IGSF21: variants seen among roughly 807,000 people sequenced by gnomAD.
IGSF21 encodes the protein immunoglobulin superfamily member 21.
IGSF21 carries 28 observed loss-of-function variants against 46.8 expected under a neutral mutation model. That is an observed-to-expected ratio of 0.60 (90% CI 0.44 to 0.82). IGSF21 has a LOEUF of 0.82. Among genes scored for constraint, IGSF21 ranks in the 40% least tolerant of loss-of-function variants. The pLI is 0.00. For missense variants in IGSF21, 624 were observed against 665.5 expected (o/e 0.94, Z 0.69); for synonymous variants, 284 against 273.6 (o/e 1.04, Z -0.38).
intron 1 of IGSF21, among the ~76,000 whole-genome samples, chr1:18,108,985 AGTGTGTGTGTGT>A (rs10686337): frequency 4.7e-5 from 6 of 127,890 alleles, no homozygotes; most frequent in African/African-American, 1.5e-4. Flanking sequence ...TGAGCAGCTC[AGTGTGTGTGTGT>A]GTGTGTGTGT....
At chr1:18,241,696 T>C (rs1356783863) in intron 2 of IGSF21, among the ~76,000 whole-genome samples, 1 of 152,206 alleles carries the variant, frequency 6.6e-6, no homozygotes, top group Admixed American at 6.5e-5. Flanking sequence ...ATCTCCCTCA[T>C]ATCATCATGA....
chr1:18,281,358 G>A (rs767007459), intron 2 of IGSF21, among the ~76,000 whole-genome samples: 9 of 152,124 alleles, frequency 5.9e-5, no homozygotes, highest in South Asian at 2.1e-4. Flanking sequence ...TCAGGAGTTC[G>A]AGACCAGCCT....
intron 2 of IGSF21, among the ~76,000 whole-genome samples, chr1:18,235,427 T>C (rs1233340796): frequency 1.3e-5 from 2 of 152,116 alleles, no homozygotes; most frequent in African/African-American, 4.8e-5. Context: ...GCGCAGTGCA[T>C]ATAATTAAAA....
chr1:18,261,993 C>T (rs973541580), intron 2 of IGSF21, among the ~76,000 whole-genome samples: 2 of 152,158 alleles, frequency 1.3e-5, no homozygotes, highest in Non-Finnish European at 1.5e-5. Context: ...AATGGAGTTG[C>T]TAAATCTCCA....
chr1:18,115,671 A>C (rs936494945), intron 1 of IGSF21: 4 of 152,090 alleles, frequency 2.6e-5, no homozygotes, highest in Admixed American at 2.0e-4. Flanking sequence ...CTGCAAGGTG[A>C]TGGGAAGACC....
chr1:18,282,374 C>T (rs1045471434), intron 2 of IGSF21, among the ~76,000 whole-genome samples: 27 of 152,294 alleles, frequency 1.8e-4, no homozygotes, highest in South Asian at 4.1e-4. Context: ...GTTCGAATGT[C>T]TGGCATCTAT....
At chr1:18,260,025 G>C (rs74056565) in intron 2 of IGSF21, among the ~76,000 whole-genome samples, 6,578 of 152,314 alleles carry the variant, frequency 0.043, 273 homozygotes, top group African/African-American at 0.097. Context: ...CTTCTTGAAT[G>C]GGTATAAAAA....
At chr1:18,210,487 T>G (rs1010045295) in intron 1 of IGSF21, among the ~76,000 whole-genome samples, 24 of 152,174 alleles carry the variant, frequency 1.6e-4, no homozygotes, top group Admixed American at 1.0e-3. Context: ...GGGTAACGTT[T>G]GGGGAGAAGT....
intron 2 of IGSF21, among the ~76,000 whole-genome samples, chr1:18,258,518 A>G (rs1241538314): frequency 6.6e-6 from 1 of 152,138 alleles, no homozygotes; most frequent in Non-Finnish European, 1.5e-5. Flanking sequence ...TTTTTGTCAT[A>G]AGTACACTGT....
At chr1:18,208,376 A>AATATATATATATAT (rs5772795) in intron 1 of IGSF21, among the ~76,000 whole-genome samples, 2 of 22,034 alleles carry the variant, frequency 9.1e-5, no homozygotes, top group African/African-American at 3.5e-4. Context: ...GTTTAGGAAT[A>AATATATATATATAT]ATATATATAT....
At chr1:18,240,473 T>C (rs1016276347) in intron 2 of IGSF21, among the ~76,000 whole-genome samples, 2 of 152,216 alleles carry the variant, frequency 1.3e-5, no homozygotes, top group Non-Finnish European at 2.9e-5. Flanking sequence ...TAGTAGGAGA[T>C]GAACTGTAAT....
chr1:18,133,477 T>C (rs890638637), intron 1 of IGSF21, among the ~76,000 whole-genome samples: 3 of 152,258 alleles, frequency 2.0e-5, no homozygotes, highest in African/African-American at 7.2e-5. Context: ...CAAATGCGGC[T>C]GTAATTTACC....
chr1:18,214,141 A>T (rs2084419516), intron 1 of IGSF21, among the ~76,000 whole-genome samples: 1 of 152,264 alleles, frequency 6.6e-6, no homozygotes, highest in Non-Finnish European at 1.5e-5. Context: ...TACATACATC[A>T]TGAATAATAC....
chr1:18,154,151 TC>T, intron 1 of IGSF21, among the ~76,000 whole-genome samples: 1 of 152,202 alleles, frequency 6.6e-6, no homozygotes, highest in African/African-American at 2.4e-5. Flanking sequence ...TTCACCCCAG[TC>T]CCCACCCTTC....
At chr1:18,249,867 G>T (rs2084820719) in intron 2 of IGSF21, among the ~76,000 whole-genome samples, 1 of 152,144 alleles carries the variant, frequency 6.6e-6, no homozygotes, top group Non-Finnish European at 1.5e-5. Flanking sequence ...CCTTCCCTTT[G>T]TGTGTCTTCA....
At chr1:18,355,636 C>T (rs1483614857) in intron 4 of IGSF21, among the ~76,000 whole-genome samples, 1 of 151,796 alleles carries the variant, frequency 6.6e-6, no homozygotes, top group African/African-American at 2.4e-5. Context: ...AGAAAGTCAA[C>T]TGGTTTGATT....
intron 2 of IGSF21, among the ~76,000 whole-genome samples, chr1:18,276,408 C>T (rs1220473015): frequency 2.6e-5 from 4 of 152,174 alleles, no homozygotes; most frequent in Non-Finnish European, 5.9e-5. Flanking sequence ...AGCAGCAGCT[C>T]AGGATGTACT....
intron 1 of IGSF21, among the ~76,000 whole-genome samples, chr1:18,180,288 G>T (rs977649386): frequency 1.3e-5 from 2 of 152,206 alleles, no homozygotes; most frequent in Admixed American, 6.5e-5. Flanking sequence ...TGCCTGCCAT[G>T]CAGGGTGCTC....
intron 2 of IGSF21, among the ~76,000 whole-genome samples, chr1:18,233,371 G>T (rs1352077125): frequency 2.0e-5 from 3 of 152,184 alleles, no homozygotes; most frequent in Non-Finnish European, 4.4e-5. Flanking sequence ...ATGAGGGTTT[G>T]TGGTTGCTTG....
Sources: allele counts gnomAD v4.1 joint callset (sites outside exome capture counted in the v4.1 genomes callset), GRCh38; gene constraint gnomAD v4.1.1; transcripts MANE v1.5; gene names NCBI Gene and HGNC (gene_info 2026-07-23, HGNC 2026-07-21).